Variants in ULK4 observed in about 807,000 individuals in gnomAD.
The protein encoded by ULK4 is unc-51 like kinase 4.
In ULK4, 133 loss-of-function variants were observed where a neutral mutation model predicts 160.6. The observed-to-expected ratio is 0.83, with a 90% CI of 0.72 to 0.96. The LOEUF (loss-of-function observed/expected upper bound fraction) is 0.96, where lower values mean the gene tolerates loss of function less well. Ranked by LOEUF, ULK4 falls within the 40% of genes least tolerant of loss-of-function variation. The pLI is 0.00. For synonymous variants in ULK4, 534 were observed against 539.8 expected, an observed-to-expected ratio of 0.99 and a Z score of 0.15; for missense variants, 1,580 against 1,499.5, an observed-to-expected ratio of 1.05 and a Z score of -0.89.
chr3:41,578,509 T>C (rs1015839854), intron 31 of ULK4, among the ~76,000 whole-genome samples: 2 of 152,232 alleles, frequency 1.3e-5, no homozygotes, highest in Non-Finnish European at 2.9e-5. Flanking sequence ...TGCGACAGTA[T>C]AAAATGATTC....
At chr3:41,295,833 G>T (rs1315878586) in intron 35 of ULK4, among the ~76,000 whole-genome samples, 2 of 152,180 alleles carry the variant, frequency 1.3e-5, no homozygotes, top group Non-Finnish European at 2.9e-5. Context: ...TGGTAAGAAT[G>T]CAAAACGGTC....
At position 41,268,245 on chromosome 3, in the gene ULK4, C is replaced by T. The variant is rs74471129; in HGVS notation, c.3679-18671G>A. 2.0e-5 allele frequency among the ~76,000 whole-genome samples: 3 copies of T among 152,298 alleles called. No individual in the cohort carries two copies. The East Asian group carries it at 5.8e-4, about 29-fold the overall frequency. ...AGACCATCTGATCCATGCTGAGTCA[C>T]GCTGTGTTGCCTTCTCATGTTACAT... On this transcript the variant is annotated intron_variant, in intron 35 of 36. Transcript: ENST00000301831.
At chr3:41,467,481 T>C (rs2083863721) in intron 32 of ULK4, among the ~76,000 whole-genome samples, 1 of 152,250 alleles carries the variant, frequency 6.6e-6, no homozygotes, top group African/African-American at 2.4e-5. Context: ...GAGCTGAGAT[T>C]GTGCCACTGC....
intron 21 of ULK4, among the ~76,000 whole-genome samples, chr3:41,788,743 A>G (rs1251381604): frequency 6.6e-6 from 1 of 152,082 alleles, no homozygotes; most frequent in Non-Finnish European, 1.5e-5. Flanking sequence ...AATGCTGCAT[A>G]CTACTTTCCC....
chr3:41,620,644 C>A (rs1051866683), intron 30 of ULK4, among the ~76,000 whole-genome samples: 3 of 152,054 alleles, frequency 2.0e-5, no homozygotes, highest in African/African-American at 7.2e-5. Context: ...GTATGACAAA[C>A]CTATAGCCAA....
intron 30 of ULK4, among the ~76,000 whole-genome samples, chr3:41,662,987 G>T (rs985562933): frequency 4.6e-5 from 7 of 152,064 alleles, no homozygotes; most frequent in Non-Finnish European, 4.4e-5. Flanking sequence ...TTGGGAGGCC[G>T]AGGTGGGTGG....
chr3:41,739,401 C>A (rs1287786708), intron 22 of ULK4, among the ~76,000 whole-genome samples: 1 of 151,910 alleles, frequency 6.6e-6, no homozygotes, highest in African/African-American at 2.4e-5. Context: ...TGAAAGTGGA[C>A]TGCTGCATTA....
intron 35 of ULK4, chr3:41,258,472 G>A (rs899356206): frequency 1.3e-5 from 2 of 152,150 alleles, no homozygotes; most frequent in African/African-American, 4.8e-5. Flanking sequence ...GCAAGAGAAC[G>A]CCAGCGAAGA....
At chr3:41,689,827 T>C (rs1284291759) in intron 27 of ULK4, among the ~76,000 whole-genome samples, 55 of 148,786 alleles carry the variant, frequency 3.7e-4, no homozygotes, top group South Asian at 1.3e-3. Context: ...ATAGGAACAC[T>C]TTTACACTGT....
At chr3:41,366,478 T>C (rs7634109) in intron 35 of ULK4, among the ~76,000 whole-genome samples, 5,513 of 152,134 alleles carry the variant, frequency 0.036, 270 homozygotes, top group East Asian at 0.19. Context: ...TAAGTAAATA[T>C]GTAATAATAT....
chr3:41,801,514 A>T (rs1249695509), intron 19 of ULK4, among the ~76,000 whole-genome samples: 1 of 151,024 alleles, frequency 6.6e-6, no homozygotes, highest in Non-Finnish European at 1.5e-5. Context: ...ACCAAGGTAC[A>T]TCATAATCAG....
chr3:41,783,675 G>A (rs769133271), intron 21 of ULK4, among the ~76,000 whole-genome samples: 1 of 152,128 alleles, frequency 6.6e-6, no homozygotes, highest in South Asian at 2.1e-4. Flanking sequence ...TGCCCAGCTT[G>A]AATTCTCTAT....
chr3:41,666,674 G>A (rs1241877339), intron 29 of ULK4, among the ~76,000 whole-genome samples: 1 of 152,122 alleles, frequency 6.6e-6, no homozygotes, highest in Non-Finnish European at 1.5e-5. Context: ...GGACCCACAA[G>A]CCTATGAATT....
chr3:41,887,079 GA>G (rs1697750850), intron 16 of ULK4, among the ~76,000 whole-genome samples: 1 of 152,150 alleles, frequency 6.6e-6, no homozygotes. Context: ...TACAAACAGT[GA>G]CCACTCTTAC....
chr3:41,693,955 G>T lies in ULK4; in HGVS notation c.2781+11102C>A, dbSNP rs778624511. Among the ~76,000 whole-genome samples, 112 of 152,226 alleles carry T rather than the reference G, an allele frequency of 7.4e-4. 1 individual carries two copies. The highest frequency in any genetic ancestry group is 2.4e-4 in the Non-Finnish European group (16 of 68,040). On this transcript the variant is annotated intron_variant, in intron 27 of 36. Transcript: ENST00000301831. Reference sequence around the variant, plus strand: ...CTAATCCAAGTACCTTATGAACACAGTATTGACTATATACTCCCAGTGTTG... The same window carrying T: ...CTAATCCAAGTACCTTATGAACACATTATTGACTATATACTCCCAGTGTTG...
intron 29 of ULK4, among the ~76,000 whole-genome samples, chr3:41,670,029 G>T (rs1234515389): frequency 6.6e-6 from 1 of 152,210 alleles, no homozygotes; most frequent in Non-Finnish European, 1.5e-5. Context: ...CTGTTAATGT[G>T]TTCTACAATC....
intron 20 of ULK4, among the ~76,000 whole-genome samples, chr3:41,798,512 C>T (rs1447144119): frequency 6.6e-6 from 1 of 152,028 alleles, no homozygotes; most frequent in African/African-American, 2.4e-5. Flanking sequence ...ATCCATTGAT[C>T]TTCAAGATTA....
At chr3:41,783,034 A>AC (rs2039901301) in intron 21 of ULK4, among the ~76,000 whole-genome samples, 2 of 151,872 alleles carry the variant, frequency 1.3e-5, no homozygotes, top group African/African-American at 4.8e-5. Context: ...TCTACCAAAA[A>AC]AAAAAAAAAG....
chr3:41,454,890 G>A (rs947770263), intron 34 of ULK4, among the ~76,000 whole-genome samples: 13 of 151,890 alleles, frequency 8.6e-5, no homozygotes, highest in African/African-American at 3.1e-4. Flanking sequence ...TAGAGACGGG[G>A]TTTCACCATA....
Sources: gnomAD v4.1 joint callset for allele counts (sites outside exome capture counted in the v4.1 genomes callset) on GRCh38, gnomAD v4.1.1 for gene constraint, MANE v1.5 for transcripts, NCBI Gene and HGNC (gene_info 2026-07-23, HGNC 2026-07-21) for gene names.